The following MCU variants were observed in gnomAD, a reference collection of about 807,000 sequenced individuals.
MCU encodes mitochondrial calcium uniporter.
MCU carries 12 observed loss-of-function variants against 45.2 expected under a neutral mutation model. That is an observed-to-expected ratio of 0.27 (90% CI 0.17 to 0.43). The LOEUF is 0.43. Among genes scored for constraint, MCU ranks in the 20% least tolerant of loss-of-function variants. The pLI is 1.00. For missense variants in MCU, 324 were observed against 436.7 expected, an observed-to-expected ratio of 0.74 and a Z score of 2.30; for synonymous variants, 160 against 165.1, an observed-to-expected ratio of 0.97 and a Z score of 0.24.
At chr10:72,743,434 GT>G (rs1843364771) in intron 1 of MCU, among the ~76,000 whole-genome samples, 1 of 132,336 alleles carries the variant, frequency 7.6e-6, no homozygotes, top group Non-Finnish European at 1.7e-5. Flanking sequence ...AAAAAAAAAG[GT>G]TTTTGGAGCC....
intron 1 of MCU, among the ~76,000 whole-genome samples, chr10:72,749,923 T>C (rs1843470187): frequency 6.6e-6 from 1 of 151,762 alleles, no homozygotes; most frequent in Non-Finnish European, 1.5e-5. Flanking sequence ...TGTGCTACCA[T>C]GTCCAGCTAA....
In MCU at chr10:72,887,050, G is replaced by C. The variant is rs1025390459; in HGVS notation, c.*1228G>C. On this transcript the variant is annotated 3_prime_UTR_variant, in exon 8 of 8. Transcript: ENST00000373053. ...TACCATATTTCCAGATGACATCTGC[G>C]CTTGAAGAGTCAAAGGAATCTGTGT... The C allele has an allele frequency of 6.6e-6, 1 of 152,220 alleles. No individual in the cohort carries two copies. Among genetic ancestry groups the C allele is most frequent in the African/African-American group, 2.4e-5 (1 of 41,392 alleles). 9.4% of individuals were successfully genotyped at this position (152,220 alleles called of 1,614,324 possible).
At chr10:72,780,987 A>G (rs1843984449) in intron 1 of MCU, among the ~76,000 whole-genome samples, 1 of 152,202 alleles carries the variant, frequency 6.6e-6, no homozygotes, top group African/African-American at 2.4e-5. Flanking sequence ...GAATTTGATT[A>G]ATATTTTATT....
intron 1 of MCU, among the ~76,000 whole-genome samples, chr10:72,757,685 T>C (rs1274542526): frequency 1.3e-5 from 2 of 152,214 alleles, no homozygotes; most frequent in Non-Finnish European, 2.9e-5. Flanking sequence ...TTTGATAATA[T>C]AAGCCAGTGT....
rs568408578 is a variant in MCU at position 72,855,641 on chromosome 10, G to T, written c.221-3536G>T. 5.3e-5 allele frequency among the ~76,000 whole-genome samples: 8 copies of T among 152,186 alleles called. No homozygotes were observed. The South Asian group carries it at 1.5e-3, about 28-fold the overall frequency. ...TAAATGAAAAAATCCTTTTTAAAGA[G>T]ATTAAAAGATAGTAAATCTAAAAAT... is the stretch of plus-strand genomic sequence containing the variant. On this transcript the variant is annotated intron_variant, in intron 2 of 7. Coordinates refer to ENST00000373053, the MANE Select transcript of MCU (RefSeq NM_138357.3).
intron 1 of MCU, among the ~76,000 whole-genome samples, chr10:72,740,598 C>A (rs113011612): frequency 6.3e-4 from 96 of 152,282 alleles, no homozygotes; most frequent in African/African-American, 2.2e-3. Flanking sequence ...TTCTATATTT[C>A]TTTCTGACTT....
intron 1 of MCU, among the ~76,000 whole-genome samples, chr10:72,820,832 G>GGTT (rs1844700611): frequency 1.3e-5 from 2 of 151,804 alleles, no homozygotes; most frequent in Non-Finnish European, 2.9e-5. Flanking sequence ...TTTTTAGTGG[G>GGTT]ATAACAAAAT....
intron 2 of MCU, among the ~76,000 whole-genome samples, chr10:72,836,326 G>C (rs963350618): frequency 6.6e-6 from 1 of 151,980 alleles, no homozygotes; most frequent in South Asian, 2.1e-4. Context: ...AAGTCCCATT[G>C]GTGGTTATGA....
intron 1 of MCU, among the ~76,000 whole-genome samples, chr10:72,759,890 C>T (rs973377002): frequency 5.9e-5 from 9 of 152,278 alleles, no homozygotes; most frequent in African/African-American, 1.9e-4. Context: ...AGAGAGCCCT[C>T]ACCAGAAACC....
chr10:72,809,038 G>A (rs1328565193), intron 1 of MCU, among the ~76,000 whole-genome samples: 1 of 152,242 alleles, frequency 6.6e-6, no homozygotes, highest in African/African-American at 2.4e-5. Flanking sequence ...CAGTGAAAGT[G>A]TTCTGAAGAG....
intron 1 of MCU, among the ~76,000 whole-genome samples, chr10:72,821,222 CTT>C (rs75872235): frequency 3.8e-4 from 52 of 137,214 alleles, no homozygotes; most frequent in African/African-American, 3.4e-4. Context: ...GTTTGTAAGA[CTT>C]TTTTTTTTTT....
intron 2 of MCU, among the ~76,000 whole-genome samples, chr10:72,857,812 A>G (rs1176778837): frequency 6.6e-6 from 1 of 152,216 alleles, no homozygotes. Context: ...GAGGGAGAAA[A>G]TAAGGAAATA....
intron 1 of MCU, among the ~76,000 whole-genome samples, chr10:72,730,100 C>T (rs1179404683): frequency 6.6e-6 from 1 of 151,658 alleles, no homozygotes; most frequent in Admixed American, 6.6e-5. Context: ...GCTGGGACTA[C>T]AGGTGTTCAC....
At chr10:72,695,009 G>A (rs1180014614) in intron 1 of MCU, among the ~76,000 whole-genome samples, 4 of 151,938 alleles carry the variant, frequency 2.6e-5, no homozygotes, top group South Asian at 4.2e-4. Context: ...CCTTCTCTCC[G>A]GCTTGTGACT....
At chr10:72,695,876 T>G (rs1235312500) in intron 1 of MCU, among the ~76,000 whole-genome samples, 2 of 151,602 alleles carry the variant, frequency 1.3e-5, no homozygotes, top group African/African-American at 2.4e-5. Flanking sequence ...TTAAAAAAAT[T>G]TTTTTGGCTG....
chr10:72,721,480 C>G (rs1843021203), intron 1 of MCU, among the ~76,000 whole-genome samples: 1 of 152,208 alleles, frequency 6.6e-6, no homozygotes, highest in South Asian at 2.1e-4. Context: ...TCTGCTGCCA[C>G]TTTCCCTCTT....
chr10:72,862,020 C>T, intron 4 of MCU, among the ~76,000 whole-genome samples: 1 of 138,990 alleles, frequency 7.2e-6, no homozygotes, highest in Non-Finnish European at 1.5e-5. Flanking sequence ...CTTGCTCTGT[C>T]ACCCAGGCTG....
At chr10:72,740,913 CT>C (rs1231409890) in intron 1 of MCU, among the ~76,000 whole-genome samples, 2 of 152,164 alleles carry the variant, frequency 1.3e-5, no homozygotes, top group African/African-American at 4.8e-5. Context: ...AGGATTCTAA[CT>C]GTGTTTAACG....
intron 1 of MCU, among the ~76,000 whole-genome samples, chr10:72,789,250 T>C (rs1002591981): frequency 7.9e-5 from 12 of 152,184 alleles, no homozygotes; most frequent in African/African-American, 2.9e-4. Context: ...CTTAGCACAA[T>C]AGGTAGTAAG....
Sources: gnomAD v4.1 joint callset for allele counts (sites outside exome capture counted in the v4.1 genomes callset) on GRCh38, gnomAD v4.1.1 for gene constraint, MANE v1.5 for transcripts, NCBI Gene and HGNC (gene_info 2026-07-23, HGNC 2026-07-21) for gene names.